The following ZNF678 variants were observed in gnomAD, a reference collection of about 807,000 sequenced individuals.
The protein encoded by ZNF678 is hypothetical protein MGC42493.
Under a neutral mutation model 3.0 loss-of-function variants are expected in ZNF678, and 5 were observed. The ratio of observed to expected loss-of-function variants is 1.69; its 90% CI spans 0.88 to 3.56. The LOEUF is 3.56. ZNF678 is among the 30% of genes most tolerant of loss of function. ZNF678 has a pLI of 0.00. For synonymous variants in ZNF678, 218 were observed against 199.6 expected, an observed-to-expected ratio of 1.09 and a Z score of -0.78; for missense variants, 593 against 605.0, an observed-to-expected ratio of 0.98 and a Z score of 0.21.
At chr1:227,585,784 A>T (rs973897926) in intron 1 of ZNF678, among the ~76,000 whole-genome samples, 1 of 152,024 alleles carries the variant, frequency 6.6e-6, no homozygotes, top group African/African-American at 2.4e-5. Flanking sequence ...CCCCCAAAAA[A>T]AAACAAAAAT....
downstream of ZNF678, among the ~76,000 whole-genome samples, chr1:227,666,356 G>T (rs916265042): frequency 3.3e-5 from 5 of 152,100 alleles, no homozygotes; most frequent in African/African-American, 1.2e-4. Flanking sequence ...CCCCATCCTG[G>T]CTTTTGAGCT....
chr1:227,633,447 C>T (rs1176945718), intron 1 of ZNF678, among the ~76,000 whole-genome samples: 5 of 152,158 alleles, frequency 3.3e-5, no homozygotes, highest in South Asian at 2.1e-4. Context: ...CCTGATTGGT[C>T]GGGTGTGAGC....
chr1:227,625,488 T>A (rs934718155), intron 1 of ZNF678, among the ~76,000 whole-genome samples: 1 of 152,138 alleles, frequency 6.6e-6, no homozygotes, highest in Non-Finnish European at 1.5e-5. Context: ...CATCTGGGAC[T>A]CCATTTGAAG....
chr1:227,638,986 G>C lies in ZNF678; in HGVS notation c.-163-7558G>C, dbSNP rs1186241640. ...ACCACTTGGCTCGGATGAAGCGATGGTAGTTGCCAGGGTGTCCTTTCCAGG... is the reference window on the plus strand; with the variant it reads ...ACCACTTGGCTCGGATGAAGCGATGCTAGTTGCCAGGGTGTCCTTTCCAGG... On this transcript the variant is annotated intron_variant, in intron 1 of 3. Coordinates refer to ENST00000343776, the MANE Select transcript of ZNF678 (RefSeq NM_001367909.1). This position sits in a 1 kb window ranked among gnomAD's most constrained non-coding sequence, Gnocchi z 4.2. 6.6e-6 allele frequency among the ~76,000 whole-genome samples: 1 copy of C among 152,206 alleles called. No individual in the cohort carries two copies. Among genetic ancestry groups the C allele is most frequent in the Non-Finnish European group, 1.5e-5 (1 of 68,042 alleles).
chr1:227,654,068 G>A (rs762015024), intron 3 of ZNF678, among the ~76,000 whole-genome samples: 3 of 152,040 alleles, frequency 2.0e-5, no homozygotes, highest in Non-Finnish European at 2.9e-5. Context: ...ATGTATAAAT[G>A]TAACAAACTT....
downstream of ZNF678, among the ~76,000 whole-genome samples, chr1:227,678,711 G>A (rs1025513976): frequency 6.6e-6 from 1 of 152,076 alleles, no homozygotes; most frequent in Admixed American, 6.6e-5. Context: ...AATACACATG[G>A]CCACTGACAC....
chr1:227,657,250 A>G lies in ZNF678; in HGVS notation c.*1422A>G, dbSNP rs549400655. 6.6e-5 allele frequency: 10 copies of G among 151,932 alleles called. No individual in the cohort carries two copies. Among genetic ancestry groups the G allele is most frequent in the Non-Finnish European group, 1.3e-4 (9 of 67,886 alleles). 9.4% of individuals were successfully genotyped at this position (151,932 alleles called of 1,614,324 possible). On this transcript the variant is annotated 3_prime_UTR_variant, in exon 4 of 4. Coordinates refer to ENST00000343776, the MANE Select transcript of ZNF678 (RefSeq NM_001367909.1). ...TATTCCTCTTGCTTTGTCTTTTGCCATGATACCCCTTTGCCTTTTATTATG... is the reference window on the plus strand; with the variant it reads ...TATTCCTCTTGCTTTGTCTTTTGCCGTGATACCCCTTTGCCTTTTATTATG...
At chr1:227,577,114 T>C (rs189326334) in intron 1 of ZNF678, among the ~76,000 whole-genome samples, 2 of 152,326 alleles carry the variant, frequency 1.3e-5, no homozygotes, top group East Asian at 3.9e-4. Flanking sequence ...GAGATTGTTA[T>C]GATTTCAGTT....
chr1:227,647,861 C>A (rs1658995538), intron 2 of ZNF678, among the ~76,000 whole-genome samples: 1 of 152,104 alleles, frequency 6.6e-6, no homozygotes, highest in Non-Finnish European at 1.5e-5. Flanking sequence ...CAATTTAATT[C>A]TCTTTTTGCA....
intron 1 of ZNF678, among the ~76,000 whole-genome samples, chr1:227,581,328 A>G (rs754330696): frequency 3.9e-5 from 6 of 151,982 alleles, no homozygotes; most frequent in Non-Finnish European, 5.9e-5. Context: ...CAAGAAGGAG[A>G]GCATTAAAAA....
At chr1:227,665,296 C>A (rs2102817554), downstream of ZNF678, among the ~76,000 whole-genome samples, 1 of 152,292 alleles carries the variant, frequency 6.6e-6, no homozygotes, top group Middle Eastern at 3.4e-3. Flanking sequence ...TTGCCATCTT[C>A]CAGCTAATTA....
At position 227,660,223 on chromosome 1, in the gene ZNF678, C is replaced by T. The variant is rs1659365702; in HGVS notation, c.*4395C>T. 1 of 150,704 alleles carries T rather than the reference C, an allele frequency of 6.6e-6. No individual in the cohort carries two copies. The highest frequency in any genetic ancestry group is 1.9e-4 in the East Asian group (1 of 5,144). 9.3% of individuals were successfully genotyped at this position (150,704 alleles called of 1,614,324 possible). On this transcript the variant is annotated 3_prime_UTR_variant, in exon 4 of 4. Coordinates refer to ENST00000343776, the MANE Select transcript of ZNF678 (RefSeq NM_001367909.1). ...TGTCAAGTAGTGCAGTGCTTCCAAC[C>T]TTCAGAGTCTTTTACTGTACTATAT...
At chr1:227,639,701 GT>G (rs1289511377) in intron 1 of ZNF678, among the ~76,000 whole-genome samples, 1 of 152,210 alleles carries the variant, frequency 6.6e-6, no homozygotes, top group Admixed American at 6.5e-5. Context: ...CCCAGTGGGG[GT>G]CCTGGTTGGG....
intron 5 of ZNF678, among the ~76,000 whole-genome samples, chr1:227,676,763 C>T (rs1659687507): frequency 6.8e-6 from 1 of 147,694 alleles, no homozygotes; most frequent in South Asian, 2.2e-4. Flanking sequence ...TAAGAGAGAA[C>T]ATGCGGTGTT....
chr1:227,615,517 T>G (rs141049191), intron 1 of ZNF678, among the ~76,000 whole-genome samples: 1 of 152,200 alleles, frequency 6.6e-6, no homozygotes, highest in Non-Finnish European at 1.5e-5. Context: ...TTCTGAGTCC[T>G]CCTGGTCCTC....
chr1:227,582,144 G>A (rs1324194018), intron 1 of ZNF678, among the ~76,000 whole-genome samples: 1 of 150,828 alleles, frequency 6.6e-6, no homozygotes, highest in Non-Finnish European at 1.5e-5. Context: ...ATACATTCTG[G>A]ATACAAGTAT....
chr1:227,623,630 T>G (rs1658334839), intron 1 of ZNF678, among the ~76,000 whole-genome samples: 2 of 152,222 alleles, frequency 1.3e-5, no homozygotes, highest in South Asian at 4.1e-4. Context: ...TGTTCAATAT[T>G]TTATACTAAA....
chr1:227,623,970 A>C (rs536132661), intron 1 of ZNF678, among the ~76,000 whole-genome samples: 2 of 152,186 alleles, frequency 1.3e-5, no homozygotes, highest in African/African-American at 4.8e-5. Flanking sequence ...CCTAACTTTT[A>C]TTAAACATTT....
chr1:227,667,151 C>G (rs1315341862), downstream of ZNF678, among the ~76,000 whole-genome samples: 2 of 151,872 alleles, frequency 1.3e-5, no homozygotes, highest in East Asian at 3.9e-4. Context: ...TCAAGCGATC[C>G]TCCTTCCTCA....
Sources: allele counts gnomAD v4.1 joint callset (sites outside exome capture counted in the v4.1 genomes callset), GRCh38; gene constraint gnomAD v4.1.1; non-coding constraint Gnocchi (gnomAD v3.1); transcripts MANE v1.5; gene names NCBI Gene and HGNC (gene_info 2026-07-23, HGNC 2026-07-21).